The following SOBP variants were observed in gnomAD, a reference collection of about 807,000 sequenced individuals.
The protein encoded by SOBP is sine oculis-binding protein homolog.
In SOBP, 4 loss-of-function variants were observed where a neutral mutation model predicts 53.6. The observed-to-expected ratio is 0.07, with a 90% CI of 0.04 to 0.17. The LOEUF (loss-of-function observed/expected upper bound fraction) is 0.17. Ranked by LOEUF, SOBP falls within the 10% of genes least tolerant of loss-of-function variation. The pLI, the probability that SOBP is intolerant of heterozygous loss-of-function variation, is 1.00. For missense variants in SOBP, 1,088 were observed against 1,204.7 expected, an observed-to-expected ratio of 0.90 and a Z score of 1.43; for synonymous variants, 584 against 522.6, an observed-to-expected ratio of 1.12 and a Z score of -1.60.
intron 6 of SOBP, among the ~76,000 whole-genome samples, chr6:107,643,495 T>C (rs1401879567): frequency 6.6e-6 from 1 of 152,130 alleles, no homozygotes; most frequent in East Asian, 1.9e-4. Flanking sequence ...CGGCCCACTA[T>C]AACCTCTGCC....
intron 3 of SOBP, among the ~76,000 whole-genome samples, chr6:107,521,741 C>A (rs1160266193): frequency 1.3e-5 from 2 of 152,178 alleles, no homozygotes; most frequent in East Asian, 3.9e-4. Context: ...ATTGCCTTGG[C>A]TCCCTCCATT....
In SOBP at chr6:107,507,260, A is replaced by G. The variant is rs111674288; in HGVS notation, c.421+833A>G. On this transcript the variant is annotated intron_variant, in intron 3 of 6. Coordinates refer to ENST00000317357, the MANE Select transcript of SOBP (RefSeq NM_018013.4). ...CTTATCCAACCCGTGGCCCAACCCAAATTTGTAAACTTTCTTAAAACATCA... is the reference window on the plus strand; with the variant it reads ...CTTATCCAACCCGTGGCCCAACCCAGATTTGTAAACTTTCTTAAAACATCA... 8.3e-3 allele frequency among the ~76,000 whole-genome samples: 1,262 copies of G among 152,166 alleles called. 24 individuals are homozygous for G. Among genetic ancestry groups the G allele is most frequent in the African/African-American group, 0.026 (1,063 of 41,516 alleles).
chr6:107,546,258 T>C (rs759380379), intron 4 of SOBP, among the ~76,000 whole-genome samples: 7 of 152,216 alleles, frequency 4.6e-5, no homozygotes, highest in East Asian at 1.9e-4. Context: ...TGGGAGTAGC[T>C]TCCCTGTCCT....
intron 6 of SOBP, among the ~76,000 whole-genome samples, chr6:107,649,460 G>C (rs1771707932): frequency 6.6e-6 from 1 of 151,918 alleles, no homozygotes; most frequent in African/African-American, 2.4e-5. Flanking sequence ...CTGGGTGACA[G>C]AGCAAGACCC....
chr6:107,584,817 CA>C lies in SOBP; in HGVS notation c.574-2255del, dbSNP rs984508649. ...GGATTTTTTTTTTGTCCTTTAAACA[CA>C]AAAAAAACATTGTGTGCACCTTACA... On this transcript the variant is annotated intron_variant, in intron 4 of 6. Transcript: ENST00000317357. Among the ~76,000 whole-genome samples the C allele has an allele frequency of 3.1e-4, 46 of 150,142 alleles. No individual in the cohort carries two copies. In the East Asian group the frequency reaches 4.5e-3, roughly 15 times the overall value.
chr6:107,621,925 A>T (rs994412574), intron 5 of SOBP, among the ~76,000 whole-genome samples: 1 of 152,208 alleles, frequency 6.6e-6, no homozygotes, highest in African/African-American at 2.4e-5. Flanking sequence ...TTATTTTTGC[A>T]GTGTGCTTTT....
chr6:107,609,131 T>TAA (rs773701536), intron 5 of SOBP, among the ~76,000 whole-genome samples: 2 of 152,250 alleles, frequency 1.3e-5, no homozygotes, highest in Non-Finnish European at 2.9e-5. Context: ...CCTCATCAGT[T>TAA]AAAATAATTT....
At chr6:107,629,036 G>T (rs1200685700) in intron 5 of SOBP, among the ~76,000 whole-genome samples, 1 of 152,194 alleles carries the variant, frequency 6.6e-6, no homozygotes. Flanking sequence ...TACAAGATCA[G>T]TGCCACAGTC....
intron 4 of SOBP, among the ~76,000 whole-genome samples, chr6:107,549,110 C>CA (rs1350199905): frequency 4.6e-5 from 7 of 151,682 alleles, no homozygotes; most frequent in African/African-American, 1.7e-4. Context: ...ACTAAAAATA[C>CA]AAAAAAATTA....
At chr6:107,547,217 A>G (rs1391996473) in intron 4 of SOBP, among the ~76,000 whole-genome samples, 1 of 152,222 alleles carries the variant, frequency 6.6e-6, no homozygotes, top group African/African-American at 2.4e-5. Context: ...CAGCGAGCAC[A>G]AGGGAACAAA....
chr6:107,597,723 T>A (rs1785998245), intron 5 of SOBP, among the ~76,000 whole-genome samples: 1 of 152,236 alleles, frequency 6.6e-6, no homozygotes, highest in Non-Finnish European at 1.5e-5. Flanking sequence ...ATGTTCTGAC[T>A]GTCATCAAAT....
chr6:107,600,862 T>G (rs1422708799), intron 5 of SOBP, among the ~76,000 whole-genome samples: 1 of 152,238 alleles, frequency 6.6e-6, no homozygotes, highest in Non-Finnish European at 1.5e-5. Flanking sequence ...CAAAATCATT[T>G]TGGATGGGCA....
chr6:107,635,973 T>C lies in SOBP; in HGVS notation c.*3+504T>C, dbSNP rs1171170303. On this transcript the variant is annotated intron_variant, in intron 6 of 6. Coordinates refer to ENST00000317357, the MANE Select transcript of SOBP (RefSeq NM_018013.4). This position sits in a 1 kb window ranked among gnomAD's most constrained non-coding sequence, Gnocchi z 4.5. ...CTCATTGGCAGAATGTCACCAAATT[T>C]TCTTGATAAGGACGGGATTCCATTT... is the stretch of plus-strand genomic sequence containing the variant. Among the ~76,000 whole-genome samples the C allele has an allele frequency of 1.3e-5, 2 of 152,172 alleles. No individual in the cohort carries two copies. Among genetic ancestry groups the C allele is most frequent in the Non-Finnish European group, 2.9e-5 (2 of 68,024 alleles).
At chr6:107,552,028 A>G (rs1784474276) in intron 4 of SOBP, among the ~76,000 whole-genome samples, 1 of 152,132 alleles carries the variant, frequency 6.6e-6, no homozygotes, top group African/African-American at 2.4e-5. Context: ...CTCAACAACA[A>G]CAACAAAAAA....
At chr6:107,632,327 C>A (rs909454272) in intron 5 of SOBP, among the ~76,000 whole-genome samples, 19 of 151,154 alleles carry the variant, frequency 1.3e-4, no homozygotes, top group African/African-American at 4.4e-4. Flanking sequence ...AAATGGCCCC[C>A]CCCCAAAAAA....
intron 1 of SOBP, 72 bp downstream of exon 1, chr6:107,490,784 G>T (rs1377497255): frequency 1.7e-6 from 2 of 1,173,560 alleles, no homozygotes; most frequent in Non-Finnish European, 2.5e-6. Flanking sequence ...CCGTGGTATG[G>T]ATCTGGGGGG....
At chr6:107,529,827 G>T (rs1415706916) in intron 3 of SOBP, among the ~76,000 whole-genome samples, 2 of 152,044 alleles carry the variant, frequency 1.3e-5, no homozygotes, top group Non-Finnish European at 2.9e-5. Context: ...ATGTAAAGTA[G>T]AAAAATGTTC....
rs565680649 is a variant in SOBP, at chr6:107,639,332, G to GT, written c.*3+3872dup. Reference sequence around the variant, plus strand: ...TTGCTAGTTCTTTGTAAATTATAGGGTTTTTTTTTCCCCATTTGGAAATTA... The same window carrying GT: ...TTGCTAGTTCTTTGTAAATTATAGGGTTTTTTTTTTCCCCATTTGGAAATTA... On this transcript the variant is annotated intron_variant, in intron 6 of 6. Transcript: ENST00000317357. Among the ~76,000 whole-genome samples the GT allele has an allele frequency of 4.6e-3, 691 of 151,578 alleles. 7 individuals carry two copies. Among genetic ancestry groups the GT allele is most frequent in the African/African-American group, 0.015 (639 of 41,346 alleles).
At chr6:107,616,993 C>T (rs902042760) in intron 5 of SOBP, among the ~76,000 whole-genome samples, 5 of 152,112 alleles carry the variant, frequency 3.3e-5, no homozygotes, top group African/African-American at 7.2e-5. Flanking sequence ...CAGGGGCTCC[C>T]GGGCAGTTGC....
Sources: allele counts gnomAD v4.1 joint callset (sites outside exome capture counted in the v4.1 genomes callset), GRCh38; gene constraint gnomAD v4.1.1; non-coding constraint Gnocchi (gnomAD v3.1); transcripts MANE v1.5; gene names NCBI Gene and HGNC (gene_info 2026-07-23, HGNC 2026-07-21).